The following NBPF15 variants were observed in gnomAD, a reference collection of about 807,000 sequenced individuals.
NBPF15 encodes NBPF family member NBPF15.
A neutral mutation model predicts 62.2 loss-of-function variants in NBPF15; 74 were observed. The ratio of observed to expected loss-of-function variants is 1.19; its 90% CI spans 0.99 to 1.44. NBPF15 has a LOEUF of 1.44. Ranked by LOEUF, NBPF15 falls within the 40% of genes most tolerant of loss-of-function variation. NBPF15 has a pLI of 0.00. For synonymous variants in NBPF15, 244 were observed against 209.7 expected (o/e 1.16, Z -1.41); for missense variants, 790 against 550.0 (o/e 1.44, Z -4.36).
chr1:144,442,131 GTATA>G (rs587604951), intron 6 of NBPF15, among the ~76,000 whole-genome samples: 978 of 33,142 alleles, frequency 0.03, 40 homozygotes, highest in South Asian at 0.14. Flanking sequence ...ATATACACGT[GTATA>G]TATATATATA....
In NBPF15 at chr1:144,422,937, G is replaced by C; in HGVS notation, c.*76C>G. 2 of 1,611,410 alleles carry C rather than the reference G, an allele frequency of 1.2e-6. No individual in the cohort carries two copies. The highest frequency in any genetic ancestry group is 1.7e-6 in the Non-Finnish European group (2 of 1,179,514). ...TATGTCTGGGCTTCCAAATGGAACT[G>C]TACTTTCATTCAAATCTTCTCGTGC... On this transcript the variant is annotated 3_prime_UTR_variant, in exon 22 of 22. Coordinates refer to ENST00000581897, the MANE Select transcript of NBPF15 (RefSeq NM_001385408.1).
chr1:144,439,089 T>A (rs1680919981), intron 8 of NBPF15, among the ~76,000 whole-genome samples: 1 of 151,842 alleles, frequency 6.6e-6, no homozygotes, highest in Admixed American at 6.6e-5. Flanking sequence ...GTTCAAAGGA[T>A]TCTCCTGCCT....
At chr1:144,449,705 G>C (rs1689908368) in intron 5 of NBPF15, among the ~76,000 whole-genome samples, 1 of 151,610 alleles carries the variant, frequency 6.6e-6, no homozygotes, top group South Asian at 2.1e-4. Context: ...AACTCCTGCT[G>C]GATTTTGCCC....
At position 144,445,532 on chromosome 1, in the gene NBPF15, G is replaced by T. The variant is rs1192127078; in HGVS notation, c.-191+3243C>A. 3.4e-4 allele frequency among the ~76,000 whole-genome samples: 51 copies of T among 148,274 alleles called. 2 individuals are homozygous for T. Among genetic ancestry groups the T allele is most frequent in the Middle Eastern group, 6.9e-3 (2 of 290 alleles). ...CATAATCTTGATTTTCATAGCTGTA[G>T]AGTAATTCTGGAAATAGGTAGTGAA... On this transcript the variant is annotated intron_variant, in intron 6 of 21. Coordinates refer to ENST00000581897, the MANE Select transcript of NBPF15 (RefSeq NM_001385408.1).
At chr1:144,447,864 G>C (rs1344669245) in intron 6 of NBPF15, among the ~76,000 whole-genome samples, 1 of 152,034 alleles carries the variant, frequency 6.6e-6, no homozygotes, top group Non-Finnish European at 1.5e-5. Flanking sequence ...CTCAATTATG[G>C]GTTGAAGAGT....
At chr1:144,428,800 C>T in intron 14 of NBPF15, 143 bp from the exon 15 acceptor site, 1 of 610,684 alleles carries the variant, frequency 1.6e-6, no homozygotes, top group Non-Finnish European at 2.9e-6. Flanking sequence ...TTCCAGTAGG[C>T]CTGAGGTCAA....
chr1:144,434,495 C>T (rs1188129878), intron 12 of NBPF15, among the ~76,000 whole-genome samples: 2 of 120,976 alleles, frequency 1.7e-5, no homozygotes, highest in Non-Finnish European at 3.3e-5. Context: ...AGCAAGACTC[C>T]ATCGCAAAAA....
rs879966210 is a variant in NBPF15 at position 144,455,413 on chromosome 1, T to C, written c.-432+1124A>G. Among the ~76,000 whole-genome samples the C allele has an allele frequency of 7.2e-5, 11 of 152,050 alleles. 1 individual carries two copies. Among genetic ancestry groups the C allele is most frequent in the Admixed American group, 2.0e-4 (3 of 15,256 alleles). ...TAGTTATTGGAGACAGATGCACTAC[T>C]GTAAAACTATATGCTGTTTCCACGG... On this transcript the variant is annotated intron_variant, in intron 4 of 21. Transcript: ENST00000581897.
At chr1:144,441,139 A>G (rs1264126979) in intron 6 of NBPF15, among the ~76,000 whole-genome samples, 1 of 151,940 alleles carries the variant, frequency 6.6e-6, no homozygotes, top group Non-Finnish European at 1.5e-5. Flanking sequence ...ACTGTGCATA[A>G]GTAACTATGA....
At chr1:144,437,807 T>A (rs1230697646) in intron 9 of NBPF15, 138 bp downstream of exon 9, 1 of 831,102 alleles carries the variant, frequency 1.2e-6, no homozygotes, top group Non-Finnish European at 2.0e-6. Flanking sequence ...TTGATAAATA[T>A]TTGTGTGTAG....
At chr1:144,444,895 G>A (rs75121347) in intron 6 of NBPF15, among the ~76,000 whole-genome samples, 1 of 151,920 alleles carries the variant, frequency 6.6e-6, no homozygotes, top group Non-Finnish European at 1.5e-5. Context: ...TTCCTAGGAA[G>A]GGAATGACTG....
chr1:144,423,273 A>C lies in NBPF15; in HGVS notation c.1770-17T>G. The C allele has an allele frequency of 6.2e-7, 1 of 1,611,560 alleles. No homozygotes were observed. The highest frequency in any genetic ancestry group is 1.1e-5 in the South Asian group (1 of 90,958). On this transcript the variant is annotated splice_polypyrimidine_tract_variant and intron_variant, in intron 21 of 21. Coordinates refer to ENST00000581897, the MANE Select transcript of NBPF15 (RefSeq NM_001385408.1). ...CCGTAGAGCCTGGAAAAGGAGACAA[A>C]ACTAAAGAAGCAGCCAGGGAAAATC...
rs1217935729 is a variant in NBPF15, at chr1:144,434,987, A to G, written c.772+124T>C. 19 of 1,568,472 alleles carry G rather than the reference A, an allele frequency of 1.2e-5. No individual in the cohort carries two copies. The African/African-American group carries it at 2.4e-4, about 20-fold the overall frequency. ...CTGAGAAGGACAAAAAAACTCCCTG[A>G]TATCTGTTTAGAAACCCATCACAGT... is the stretch of plus-strand genomic sequence containing the variant. On this transcript the variant is annotated intron_variant, in intron 12 of 21. Coordinates refer to ENST00000581897, the MANE Select transcript of NBPF15 (RefSeq NM_001385408.1).
At position 144,422,584 on chromosome 1, in the gene NBPF15, A is replaced by C. The variant is rs1314125691; in HGVS notation, c.*429T>G. The C allele has an allele frequency of 4.2e-6, 1 of 235,890 alleles. No individual in the cohort carries two copies. The highest frequency in any genetic ancestry group is 7.6e-6 in the Non-Finnish European group (1 of 131,560). The allele number at this position is 235,890 out of a possible 1,614,324, so 14.6% of individuals were successfully genotyped here. On this transcript the variant is annotated 3_prime_UTR_variant, in exon 22 of 22. Transcript: ENST00000581897. ...GTGTTACAGATGGATCAGCTAAAACAAGCCAACACTGAAGACACAAAGAAT... is the reference window on the plus strand; with the variant it reads ...GTGTTACAGATGGATCAGCTAAAACCAGCCAACACTGAAGACACAAAGAAT...
intron 21 of NBPF15, 60 bp from the exon 22 acceptor site, chr1:144,423,316 A>T: frequency 6.2e-7 from 1 of 1,611,398 alleles, no homozygotes; most frequent in Non-Finnish European, 8.5e-7. Context: ...ACAGAGCCCC[A>T]CTAGATTTCA....
chr1:144,434,616 G>C (rs1271872550), intron 12 of NBPF15, among the ~76,000 whole-genome samples: 4 of 150,452 alleles, frequency 2.7e-5, no homozygotes, highest in African/African-American at 9.9e-5. Context: ...TATCAGCAAA[G>C]TAAAGAAGAA....
rs1301315248 is a variant in NBPF15, at chr1:144,426,347, C to T, written c.1369G>A (p.Gly457Ser). Residue 457 changes from glycine to serine, a missense_variant, in exon 18 of 22, where the codon GGC becomes AGC. Coordinates refer to ENST00000581897, the MANE Select transcript of NBPF15 (RefSeq NM_001385408.1). ...PSDYLELPDLGQPYSSAVYSL... is the reference protein window; with the variant it reads ...PSDYLELPDLSQPYSSAVYSL... ...TAAACAGCACTGCTGTAGGGCTGGCCTAAGTCAGGCAGTTCAAGATAATCT... is the reference window on the plus strand; with the variant it reads ...TAAACAGCACTGCTGTAGGGCTGGCTTAAGTCAGGCAGTTCAAGATAATCT... The T allele has an allele frequency of 1.6e-4, 129 of 816,408 alleles. No homozygotes were observed. The highest frequency in any genetic ancestry group is 1.0e-3 in the Middle Eastern group (3 of 2,906). The allele number at this position is 816,408 out of a possible 1,614,324, so 50.6% of individuals were successfully genotyped here.
At chr1:144,431,394 G>A (rs1476828650) in intron 13 of NBPF15, among the ~76,000 whole-genome samples, 1 of 150,400 alleles carries the variant, frequency 6.6e-6, no homozygotes, top group African/African-American at 2.5e-5. Flanking sequence ...AACCCTACAA[G>A]CCAGAAGAGA....
Position 144,440,161 on chromosome 1 carries a change from C to T in NBPF15, c.-56G>A, listed in dbSNP as rs1681731699. 1.3e-6 allele frequency: 2 copies of T among 1,570,424 alleles called. No individual in the cohort carries two copies. Among genetic ancestry groups the T allele is most frequent in the Non-Finnish European group, 1.7e-6 (2 of 1,152,212 alleles). On this transcript the variant is annotated 5_prime_UTR_variant, in exon 7 of 22. In the 5' UTR this introduces an upstream ATG that the reference lacks. Transcript: ENST00000581897. ...CTTACTGTTGTCAAAAATGTGATCA[C>T]TCCCCACAGCACTTTAGGATCCTTC...
Sources: allele counts gnomAD v4.1 joint callset (sites outside exome capture counted in the v4.1 genomes callset), GRCh38; gene constraint gnomAD v4.1.1; transcripts MANE v1.5; gene names NCBI Gene and HGNC (gene_info 2026-07-23, HGNC 2026-07-21).